The following KCNQ5 variants were observed in gnomAD, a reference collection of about 807,000 sequenced individuals.
KCNQ5 encodes the protein potassium voltage-gated channel subfamily Q member 5, also known as potassium voltage-gated channel subfamily KQT member 5.
A neutral mutation model predicts 98.2 loss-of-function variants in KCNQ5; 30 were observed. That is an observed-to-expected ratio of 0.31 (90% CI 0.23 to 0.41). The LOEUF (loss-of-function observed/expected upper bound fraction) is 0.41, where lower values mean the gene tolerates loss of function less well. KCNQ5 is among the 10% of genes least tolerant of loss of function. KCNQ5 has a pLI of 1.00. For missense variants in KCNQ5, 835 were observed against 1,182.5 expected, an observed-to-expected ratio of 0.71 and a Z score of 4.31; for synonymous variants, 458 against 449.4, an observed-to-expected ratio of 1.02 and a Z score of -0.24.
chr6:72,869,646 G>A (rs1778127694), intron 1 of KCNQ5, among the ~76,000 whole-genome samples: 1 of 152,124 alleles, frequency 6.6e-6, no homozygotes, highest in African/African-American at 2.4e-5. Flanking sequence ...ATGTAAAAAT[G>A]TTTTTACATT....
chr6:72,778,997 T>C (rs1773311101), intron 1 of KCNQ5, among the ~76,000 whole-genome samples: 1 of 152,230 alleles, frequency 6.6e-6, no homozygotes, highest in African/African-American at 2.4e-5. Flanking sequence ...TTGTCTTTAG[T>C]TGCAGTAAGG....
intron 1 of KCNQ5, among the ~76,000 whole-genome samples, chr6:72,718,985 A>G (rs1178634270): frequency 6.6e-6 from 1 of 152,242 alleles, no homozygotes; most frequent in Admixed American, 6.5e-5. Context: ...TGTCAATGGA[A>G]AAATGGAGAG....
chr6:72,649,928 T>G (rs1765791140), intron 1 of KCNQ5, among the ~76,000 whole-genome samples: 1 of 152,168 alleles, frequency 6.6e-6, no homozygotes, highest in African/African-American at 2.4e-5. Context: ...TTGCAGCAAC[T>G]GACACATCCA....
intron 3 of KCNQ5, chr6:73,054,998 G>T (rs185113351): frequency 2.2e-6 from 1 of 454,338 alleles, no homozygotes; most frequent in African/African-American, 2.0e-5. Flanking sequence ...AAAGCTTCAG[G>T]ATACAAAGTC....
In KCNQ5 at chr6:72,870,405, AGCTGAG is replaced by A. The variant is rs1778154666; in HGVS notation, c.399-133499_399-133494del. ...ATCTTCCCACCTCAGCCTCTTGAGT[AGCTGAG>A]GCTAATTTTTGTATTTTTTTGTAGA... On this transcript the variant is annotated intron_variant, in intron 1 of 13. Coordinates refer to ENST00000370398, the MANE Select transcript of KCNQ5 (RefSeq NM_019842.4). 3.3e-5 allele frequency among the ~76,000 whole-genome samples: 5 copies of A among 152,212 alleles called. No individual in the cohort carries two copies. In the South Asian group the frequency reaches 1.0e-3, roughly 32 times the overall value.
intron 3 of KCNQ5, 79 bp from the exon 4 acceptor site, chr6:73,077,243 A>G (rs969048879): frequency 5.0e-6 from 7 of 1,389,198 alleles, no homozygotes; most frequent in Non-Finnish European, 7.0e-6. Flanking sequence ...GGTCAAAGTG[A>G]ACCTTTTGGA....
At chr6:73,173,547 G>A (rs1778092821) in intron 11 of KCNQ5, among the ~76,000 whole-genome samples, 1 of 152,122 alleles carries the variant, frequency 6.6e-6, no homozygotes, top group Non-Finnish European at 1.5e-5. Flanking sequence ...ACTATCTGAA[G>A]GTAACAGACT....
intron 1 of KCNQ5, among the ~76,000 whole-genome samples, chr6:72,711,744 C>T (rs568138960): frequency 2.2e-4 from 34 of 152,222 alleles, no homozygotes; most frequent in African/African-American, 7.7e-4. Flanking sequence ...TGGAGAGAAG[C>T]GGATTGATCT....
At chr6:72,787,796 T>A (rs891371541) in intron 1 of KCNQ5, among the ~76,000 whole-genome samples, 10 of 152,158 alleles carry the variant, frequency 6.6e-5, no homozygotes. Context: ...CTTAATCAGC[T>A]CCTCTATTGA....
chr6:73,115,710 T>C (rs999797483), intron 7 of KCNQ5, among the ~76,000 whole-genome samples: 2 of 152,208 alleles, frequency 1.3e-5, no homozygotes, highest in African/African-American at 4.8e-5. Context: ...AAGGCACTTT[T>C]AGGCATGCAA....
chr6:72,940,172 C>T (rs568887401), intron 1 of KCNQ5, among the ~76,000 whole-genome samples: 2 of 152,162 alleles, frequency 1.3e-5, no homozygotes, highest in Admixed American at 1.3e-4. Flanking sequence ...CCTTTATTTC[C>T]CATTGAGAGG....
intron 1 of KCNQ5, among the ~76,000 whole-genome samples, chr6:72,764,189 GT>G (rs1380678568): frequency 3.3e-5 from 5 of 151,914 alleles, no homozygotes; most frequent in Non-Finnish European, 5.9e-5. Flanking sequence ...CACTCTGTTA[GT>G]TTAATTGTAA....
chr6:73,172,155 C>T (rs567369144), intron 11 of KCNQ5, among the ~76,000 whole-genome samples: 41 of 152,136 alleles, frequency 2.7e-4, no homozygotes, highest in African/African-American at 7.5e-4. Context: ...TTTGTGGATT[C>T]TTGACATTTT....
intron 5 of KCNQ5, among the ~76,000 whole-genome samples, chr6:73,100,650 C>T (rs1403283420): frequency 2.0e-5 from 3 of 147,318 alleles, no homozygotes; most frequent in Admixed American, 2.0e-4. Flanking sequence ...GCCTGGGCAA[C>T]AGAGTGAGAC....
intron 1 of KCNQ5, among the ~76,000 whole-genome samples, chr6:72,959,172 A>G (rs1368215805): frequency 6.6e-6 from 1 of 152,204 alleles, no homozygotes; most frequent in Non-Finnish European, 1.5e-5. Context: ...AAGCAGAATA[A>G]AATGCATTCA....
In KCNQ5 at chr6:73,088,672, G is replaced by C. The variant is rs193225514; in HGVS notation, c.918+10785G>C. On this transcript the variant is annotated intron_variant, in intron 5 of 13. Transcript: ENST00000370398. Reference sequence around the variant, plus strand: ...AGCTCTCATTCTCAGTTTCCTGCTAGACATTTCTGCATTAGTCATACTGAC... The same window carrying C: ...AGCTCTCATTCTCAGTTTCCTGCTACACATTTCTGCATTAGTCATACTGAC... Among the ~76,000 whole-genome samples, 4 of 152,230 alleles carry C rather than the reference G, an allele frequency of 2.6e-5. No homozygotes were observed. The East Asian group carries it at 7.7e-4, about 29-fold the overall frequency.
intron 1 of KCNQ5, among the ~76,000 whole-genome samples, chr6:72,791,170 G>C (rs1387660407): frequency 1.3e-5 from 2 of 152,212 alleles, no homozygotes; most frequent in Admixed American, 6.5e-5. Context: ...AGCTGAGAAA[G>C]AGCCAGCCAC....
At chr6:73,037,862 T>C (rs1344992018) in intron 2 of KCNQ5, among the ~76,000 whole-genome samples, 1 of 152,122 alleles carries the variant, frequency 6.6e-6, no homozygotes, top group Non-Finnish European at 1.5e-5. Flanking sequence ...CCAGGTCCTG[T>C]GCATTTCCAT....
intron 11 of KCNQ5, among the ~76,000 whole-genome samples, chr6:73,171,119 G>A (rs186158604): frequency 1.1e-3 from 161 of 152,204 alleles, no homozygotes; most frequent in Non-Finnish European, 2.0e-3. Flanking sequence ...GAGTTCTAAA[G>A]ATTTTCATAA....
Sources: allele counts gnomAD v4.1 joint callset (sites outside exome capture counted in the v4.1 genomes callset), GRCh38; gene constraint gnomAD v4.1.1; transcripts MANE v1.5; gene names NCBI Gene and HGNC (gene_info 2026-07-23, HGNC 2026-07-21).